OTULINL: variants seen among roughly 807,000 people sequenced by gnomAD.
OTULINL encodes inactive ubiquitin thioesterase OTULINL.
Under a neutral mutation model 43.9 loss-of-function variants are expected in OTULINL, and 42 were observed. That is an observed-to-expected ratio of 0.96 (90% CI 0.75 to 1.24). The LOEUF (loss-of-function observed/expected upper bound fraction) is 1.24, where lower values mean the gene tolerates loss of function less well. Among genes scored for constraint, OTULINL ranks in the 50% most tolerant of loss-of-function variants. The pLI is 0.00. For synonymous variants in OTULINL, 172 were observed against 153.6 expected (o/e 1.12, Z -0.88); for missense variants, 411 against 426.4 (o/e 0.96, Z 0.32).
At chr5:14,588,206 C>T (rs909528189) in intron 1 of OTULINL, among the ~76,000 whole-genome samples, 8 of 152,044 alleles carry the variant, frequency 5.3e-5, no homozygotes, top group African/African-American at 1.4e-4. Context: ...CAATCCTGGC[C>T]CCAACGTGAC....
At chr5:14,606,691 A>G (rs1423596397) in intron 5 of OTULINL, among the ~76,000 whole-genome samples, 1 of 152,186 alleles carries the variant, frequency 6.6e-6, no homozygotes, top group African/African-American at 2.4e-5. Flanking sequence ...TCTAAAATCC[A>G]CCTGTTCCCT....
Position 14,613,893 on chromosome 5 carries a change from T to A in OTULINL, c.*3579T>A, listed in dbSNP as rs1759624496. Among the ~76,000 whole-genome samples the A allele has an allele frequency of 6.6e-6, 1 of 152,228 alleles. No homozygotes were observed. Among genetic ancestry groups the A allele is most frequent in the African/African-American group, 2.4e-5 (1 of 41,456 alleles). ...CAAATGGGTATTGGATGGAAATATT[T>A]GTTCTCAGTCAGATGAGTTTCTCCT... is the stretch of plus-strand genomic sequence containing the variant. On this transcript the variant is annotated 3_prime_UTR_variant, in exon 8 of 8. Transcript: ENST00000274217.
In OTULINL at chr5:14,594,263, C is replaced by T. The variant is rs528541302; in HGVS notation, c.65-6702C>T. ...CATGTGCTCCAAATTATTTAGAAAA[C>T]TTGATGGCCTAACAGGATTTGTTCT... On this transcript the variant is annotated intron_variant, in intron 1 of 7. Coordinates refer to ENST00000274217, the MANE Select transcript of OTULINL (RefSeq NM_019018.3). 1.4e-4 allele frequency among the ~76,000 whole-genome samples: 21 copies of T among 152,330 alleles called. No homozygotes were observed. The South Asian group carries it at 4.3e-3, about 32-fold the overall frequency.
chr5:14,602,129 T>G, intron 4 of OTULINL, 54 bp from the exon 5 acceptor site: 1 of 1,407,876 alleles, frequency 7.1e-7, no homozygotes, highest in Non-Finnish European at 9.5e-7. Flanking sequence ...TGAATTCACT[T>G]TATTTTCTTG....
chr5:14,588,692 C>G (rs1448648978), intron 1 of OTULINL, among the ~76,000 whole-genome samples: 1 of 152,218 alleles, frequency 6.6e-6, no homozygotes, highest in Non-Finnish European at 1.5e-5. Flanking sequence ...GCTCCTTCCA[C>G]TTTGTTTCTC....
In OTULINL at chr5:14,608,775, T is replaced by C. The variant is rs541384204; in HGVS notation, c.655T>C (p.Tyr219His). Residue 219 changes from tyrosine (Y) to histidine (H), a missense_variant, in exon 7 of 8, where the codon TAT (tyrosine) becomes CAT (histidine). Coordinates refer to ENST00000274217, the MANE Select transcript of OTULINL (RefSeq NM_019018.3). ...QWTEFNGIRD[Y>H]HKRGSMCNTL... ...GACTGAATTTAATGGCATTAGAGAT[T>C]ATCACAAGAGAGGAAGTATGTGCAA... 2.4e-5 allele frequency: 38 copies of C among 1,610,480 alleles called. No individual in the cohort carries two copies. The highest frequency in any genetic ancestry group is 3.1e-5 in the Non-Finnish European group (36 of 1,177,156).
chr5:14,586,058 C>T (rs1013043254), intron 1 of OTULINL, among the ~76,000 whole-genome samples: 1 of 152,200 alleles, frequency 6.6e-6, no homozygotes, highest in African/African-American at 2.4e-5. Context: ...CCATACATGG[C>T]TATTAAAGTC....
intron 1 of OTULINL, among the ~76,000 whole-genome samples, chr5:14,589,704 A>G (rs1759165836): frequency 6.6e-6 from 1 of 152,138 alleles, no homozygotes; most frequent in Non-Finnish European, 1.5e-5. Flanking sequence ...TCATCCCAGC[A>G]CTTTGGGAGG....
chr5:14,582,182 G>A (rs1759014280), intron 1 of OTULINL, among the ~76,000 whole-genome samples: 1 of 152,072 alleles, frequency 6.6e-6, no homozygotes, highest in Admixed American at 6.5e-5. Flanking sequence ...CGGGGACGGG[G>A]TAGCACTTGA....
rs1186223494 is a variant in OTULINL at position 14,610,863 on chromosome 5, T to TA, written c.*550dup. 1 of 153,136 alleles carries TA rather than the reference T, an allele frequency of 6.5e-6. No individual in the cohort carries two copies. Among genetic ancestry groups the TA allele is most frequent in the Non-Finnish European group, 1.5e-5 (1 of 68,750 alleles). The allele number at this position is 153,136 out of a possible 1,614,324, so 9.5% of individuals were successfully genotyped here. A position where few individuals can be genotyped will look rare whatever the true frequency, so the allele number is the denominator to read the frequency against. ...GTGTATATATACATATGTATGTTTA[T>TA]ATACACACATGTATCTGTATAGTTT... On this transcript the variant is annotated 3_prime_UTR_variant, in exon 8 of 8. Coordinates refer to ENST00000274217, the MANE Select transcript of OTULINL (RefSeq NM_019018.3).
intron 7 of OTULINL, 66 bp downstream of exon 7, chr5:14,609,083 G>A (rs1006981504): frequency 4.6e-6 from 7 of 1,517,332 alleles, no homozygotes; most frequent in South Asian, 3.9e-5. Context: ...GAACACAGAG[G>A]TGTCTGGGGT....
chr5:14,602,158 C>G (rs368062805), intron 4 of OTULINL, 25 bp from the exon 5 acceptor site: 1 of 1,528,018 alleles, frequency 6.5e-7, no homozygotes, highest in Non-Finnish European at 8.8e-7. Flanking sequence ...AATTAATAAA[C>G]AACTTTCTCT....
At position 14,611,177 on chromosome 5, in the gene OTULINL, G is replaced by T. The variant is rs1299140824; in HGVS notation, c.*863G>T. On this transcript the variant is annotated 3_prime_UTR_variant, in exon 8 of 8. Coordinates refer to ENST00000274217, the MANE Select transcript of OTULINL (RefSeq NM_019018.3). ...AGATGTCTGTGTCTGAATCCTCAGA[G>T]CCGTAAAGGGCTAAATGGGTTAAAT... 1 of 152,188 alleles carries T rather than the reference G, an allele frequency of 6.6e-6. No individual in the cohort carries two copies. Among genetic ancestry groups the T allele is most frequent in the Non-Finnish European group, 1.5e-5 (1 of 68,050 alleles). 9.4% of individuals were successfully genotyped at this position (152,188 alleles called of 1,614,324 possible).
At chr5:14,610,109 T>TAG in intron 7 of OTULINL, 32 bp from the exon 8 acceptor site, 1 of 1,590,762 alleles carries the variant, frequency 6.3e-7, no homozygotes, top group Non-Finnish European at 8.6e-7. Context: ...TGCAAGTGTG[T>TAG]ATCTGTGACC....
rs541751119 is a variant in OTULINL at position 14,582,010 on chromosome 5, A to C, written c.64+52A>C. 2.8e-4 allele frequency: 332 copies of C among 1,188,588 alleles called. 2 individuals are homozygous for C. The African/African-American group carries it at 5.0e-3, about 18-fold the overall frequency. 73.6% of individuals were successfully genotyped at this position (1,188,588 alleles called of 1,614,324 possible). On this transcript the variant is annotated intron_variant, in intron 1 of 7. Transcript: ENST00000274217. ...GCGGGGGGCGCGAGCAGGGACCGTC[A>C]AGGCGGGCGGGGTCGCAGGCAGCCA...
In OTULINL at chr5:14,610,277, C is replaced by G. The variant is rs147235462; in HGVS notation, c.1034C>G (p.Thr345Ser). 32 of 1,612,480 alleles carry G rather than the reference C, an allele frequency of 2.0e-5. No homozygotes were observed. Among genetic ancestry groups the G allele is most frequent in the Non-Finnish European group, 3.4e-6 (4 of 1,179,418 alleles). The change falls in exon 8 of 8, where the codon ACC becomes AGC. Residue 345 changes from threonine (T) to serine (S), a missense_variant. Transcript: ENST00000274217. ...GACTGGCCGGAGATCTCCCTGCTGA[C>G]CGAGAACGACCGCCACTACCACATT... is the stretch of plus-strand genomic sequence containing the variant. ...LRDWPEISLLTENDRHYHIPV... is the reference protein window; with the variant it reads ...LRDWPEISLLSENDRHYHIPV...
intron 4 of OTULINL, 78 bp from the exon 5 acceptor site, chr5:14,602,105 C>A: frequency 1.7e-6 from 2 of 1,176,814 alleles, no homozygotes; most frequent in Non-Finnish European, 2.3e-6. Flanking sequence ...AGGAACACCT[C>A]ACTGAAAATA....
Position 14,609,027 on chromosome 5 carries a change from G to T in OTULINL, c.897+10G>T. The T allele has an allele frequency of 6.2e-7, 1 of 1,600,030 alleles. No homozygotes were observed. Among genetic ancestry groups the T allele is most frequent in the South Asian group, 1.1e-5 (1 of 89,574 alleles). On this transcript the variant is annotated intron_variant, in intron 7 of 7. Transcript: ENST00000274217. ...ATGTGGACTAGAGCAGGTAACCGGG[G>T]AGGAAGAACTGCTTGTATTTGATTA... is the stretch of plus-strand genomic sequence containing the variant.
rs1759379993 is a variant in OTULINL, at chr5:14,601,059, A to G, written c.159A>G (p.Ser53=). Residue 53 remains serine, a synonymous_variant, in exon 2 of 8, where the codon TCA becomes TCG. Transcript: ENST00000274217. ...MAKGFVMLAV[S]FLVAAICYFR... ...AAGGCTTTGTGATGTTGGCAGTTTC[A>G]TTTCTGGTGGCTGCCATCTGCTACT... is the stretch of plus-strand genomic sequence containing the variant. 1 of 1,612,786 alleles carries G rather than the reference A, an allele frequency of 6.2e-7. No individual in the cohort carries two copies.
Sources: allele counts gnomAD v4.1 joint callset (sites outside exome capture counted in the v4.1 genomes callset), GRCh38; gene constraint gnomAD v4.1.1; transcripts MANE v1.5; gene names NCBI Gene and HGNC (gene_info 2026-07-23, HGNC 2026-07-21).